WDR13: variants seen among roughly 807,000 people sequenced by gnomAD.
WDR13 encodes the protein WD repeat domain 13.
WDR13 carries 1 observed loss-of-function variant against 28.6 expected under a neutral mutation model. The ratio of observed to expected loss-of-function variants is 0.03; its 90% CI spans 0.01 to 0.17. The LOEUF (loss-of-function observed/expected upper bound fraction) is 0.17, where lower values mean the gene tolerates loss of function less well. Ranked by LOEUF, WDR13 falls within the 10% of genes least tolerant of loss-of-function variation. The probability of loss-of-function intolerance (pLI) is 1.00; values close to 1 mark genes in which losing one functional copy is unlikely to be tolerated. For synonymous variants in WDR13, 201 were observed against 185.9 expected (o/e 1.08, Z -0.66); for missense variants, 264 against 469.3 (o/e 0.56, Z 4.04).
chrX:48,600,739 C>A, intron 6 of WDR13, 113 bp downstream of exon 6: 5 of 858,919 alleles, frequency 5.8e-6, no homozygotes, highest in Non-Finnish European at 8.0e-6. Context: ...GACCCCCCCA[C>A]CCCCCACCCA....
chrX:48,599,914 A>G, intron 5 of WDR13, 197 bp downstream of exon 5: 1 of 570,097 alleles, frequency 1.8e-6, no homozygotes, highest in South Asian at 3.3e-5. Flanking sequence ...TCAGAAGCCT[A>G]AGAGAGAGCC....
At chrX:48,597,832 G>T in intron 1 of WDR13, 126 bp from the exon 2 acceptor site, 1 of 891,810 alleles carries the variant, frequency 1.1e-6, no homozygotes, top group Non-Finnish European at 1.5e-6. Flanking sequence ...GGTAACACCC[G>T]GGGGGGAGTT....
Position 48,607,664 on chromosome X carries a change from T to C in WDR13, c.*2632T>C, listed in dbSNP as rs993299318. ...ATTACAGGCGTGAGCACCTGGCTGG[T>C]ATCAAGTTTTTATTGGGGCATGGTC... On this transcript the variant is annotated 3_prime_UTR_variant, in exon 10 of 10. Transcript: ENST00000376729. The C allele has an allele frequency of 2.8e-5, 3 of 108,889 alleles. No homozygotes were observed. Among genetic ancestry groups the C allele is most frequent in the African/African-American group, 6.7e-5 (2 of 29,810 alleles). 9.0% of individuals were successfully genotyped at this position (108,889 alleles called of 1,213,427 possible). A position where few individuals can be genotyped will look rare whatever the true frequency, so the allele number is the denominator to read the frequency against.
At position 48,604,865 on chromosome X, in the gene WDR13, A is replaced by G; in HGVS notation, c.1291A>G (p.Met431Val). The change falls in exon 10 of 10, where the codon ATG (methionine) becomes GTG (valine). Residue 431 changes from methionine (M) to valine (V), a missense_variant. Physicochemically the swap from Met to Val is conservative, Grantham distance 21. Transcript: ENST00000376729. ...CCCGACAGTGACGGGCAGTGAGGAC[A>G]TGTGCGTGCACTTCTTTGATGTGGA... ...GACVVTGSED[M>V]CVHFFDVERA... 1 of 1,209,195 alleles carries G rather than the reference A, an allele frequency of 8.3e-7. No homozygotes were observed. The highest frequency in any genetic ancestry group is 1.1e-6 in the Non-Finnish European group (1 of 893,314).
chrX:48,600,653 A>G (rs1368715997), intron 6 of WDR13, 27 bp downstream of exon 6: 8 of 1,192,942 alleles, frequency 6.7e-6, no homozygotes, highest in Non-Finnish European at 9.0e-6. Context: ...CCCACTCACC[A>G]AGGGCTGGTG....
chrX:48,599,089 A>G (rs2062164508), intron 3 of WDR13, 132 bp downstream of exon 3: 5 of 935,413 alleles, frequency 5.3e-6, no homozygotes, highest in East Asian at 3.4e-5. Flanking sequence ...TAATATGCCA[A>G]GTAAACCAGT....
At chrX:48,602,278 C>T in intron 8 of WDR13, 72 bp downstream of exon 8, 3 of 1,082,453 alleles carry the variant, frequency 2.8e-6, no homozygotes, top group Non-Finnish European at 3.8e-6. Context: ...AGTAGCTCAT[C>T]TCCTCCATCA....
intron 8 of WDR13, among the ~76,000 whole-genome samples, chrX:48,603,739 G>A (rs1556995283): frequency 9.0e-6 from 1 of 111,336 alleles, no homozygotes; most frequent in African/African-American, 3.3e-5. Flanking sequence ...GGTTACCTGT[G>A]GGGACAGTGT....
In WDR13 at chrX:48,599,045, G is replaced by A. The variant is rs782380610; in HGVS notation, c.282+88G>A. The A allele has an allele frequency of 9.8e-6, 11 of 1,117,039 alleles. No homozygotes were observed. The South Asian group carries it at 2.1e-4, about 22-fold the overall frequency. 92.1% of individuals were successfully genotyped at this position (1,117,039 alleles called of 1,213,427 possible). On this transcript the variant is annotated intron_variant, in intron 3 of 9. Coordinates refer to ENST00000376729, the MANE Select transcript of WDR13 (RefSeq NM_001347217.2). ...TTTCATCAAGCACCTGCTCTTTGCT[G>A]GGCACTGTTCTGCATCAGCAGAGGA... is the stretch of plus-strand genomic sequence containing the variant.
In WDR13 at chrX:48,605,255, T is replaced by C; in HGVS notation, c.*223T>C. The stretch of plus-strand genomic sequence containing the variant: ...ATTCATTCATTCCACAAGCATTGAT[T>C]GAATGTCTGCTGGGTTACAGGCCCT... On this transcript the variant is annotated 3_prime_UTR_variant, in exon 10 of 10. Coordinates refer to ENST00000376729, the MANE Select transcript of WDR13 (RefSeq NM_001347217.2). 2 of 431,677 alleles carry C rather than the reference T, an allele frequency of 4.6e-6. No homozygotes were observed. Among genetic ancestry groups the C allele is most frequent in the Non-Finnish European group, 8.0e-6 (2 of 250,898 alleles). The allele number at this position is 431,677 out of a possible 1,213,427, so 35.6% of individuals were successfully genotyped here. A position where few individuals can be genotyped will look rare whatever the true frequency, so the allele number is the denominator to read the frequency against.
In WDR13 at chrX:48,600,536, G is replaced by A; in HGVS notation, c.741G>A (p.Glu247=). The part of the protein sequence containing the change: ...LDATMRIWAS[E]DGRCIREIPD... Reference sequence around the variant, plus strand: ...CCACCATGCGCATCTGGGCCTCTGAGGATGGTCGCTGCATCCGAGAGATCC... The same window carrying A: ...CCACCATGCGCATCTGGGCCTCTGAAGATGGTCGCTGCATCCGAGAGATCC... Residue 247 remains glutamate (E), a synonymous_variant, in exon 6 of 10, where the codon GAG becomes GAA. Coordinates refer to ENST00000376729, the MANE Select transcript of WDR13 (RefSeq NM_001347217.2). 3.3e-6 allele frequency: 4 copies of A among 1,212,098 alleles called. No homozygotes were observed. Among genetic ancestry groups the A allele is most frequent in the Non-Finnish European group, 4.5e-6 (4 of 895,594 alleles).
In WDR13 at chrX:48,600,354, C is replaced by T. The variant is rs1556994016; in HGVS notation, c.559C>T (p.Arg187Cys). 4 of 1,204,859 alleles carry T rather than the reference C, an allele frequency of 3.3e-6. No homozygotes were observed. Among genetic ancestry groups the T allele is most frequent in the African/African-American group, 1.7e-5 (1 of 57,570 alleles). ...GCGCTTCGCCAATGATGACCGACAC[C>T]GCCTGGCCTGCTGCTCACTCGACGG... ...RVRFANDDRH[R>C]LACCSLDGSI... Residue 187 changes from arginine (R) to cysteine (C), a missense_variant, in exon 6 of 10, where the codon CGC (arginine) becomes TGC (cysteine). This residue lies in a region of WDR13 where 157 missense variants were observed against 270.2 expected (regional missense o/e 0.58). Coordinates refer to ENST00000376729, the MANE Select transcript of WDR13 (RefSeq NM_001347217.2).
intron 9 of WDR13, 112 bp from the exon 10 acceptor site, chrX:48,604,736 C>A: frequency 1.1e-6 from 1 of 913,286 alleles, no homozygotes; most frequent in South Asian, 2.4e-5. Flanking sequence ...CCAAGCCATG[C>A]TAGGACCTCA....
Position 48,602,129 on chromosome X carries a change from C to T in WDR13, c.1077C>T (p.Ala359=). 8.3e-7 allele frequency: 1 copy of T among 1,211,849 alleles called. No homozygotes were observed. Among genetic ancestry groups the T allele is most frequent in the South Asian group, 1.8e-5 (1 of 57,014 alleles). The change falls in exon 8 of 10, where the codon GCC becomes GCT. Residue 359 remains alanine, a synonymous_variant. Transcript: ENST00000376729. ...GGAGCCCTGTGACCAGCATCTCAGC[C>T]CGGTCCTGGGTCAGCCGCGAGGCCC... The part of the protein sequence containing the change: ...HEGSPVTSIS[A]RSWVSREARD...
Position 48,599,432 on chromosome X carries a change from C to T in WDR13, c.362C>T (p.Ala121Val), listed in dbSNP as rs782539827. 8.3e-6 allele frequency: 10 copies of T among 1,209,224 alleles called. No individual in the cohort carries two copies. The highest frequency in any genetic ancestry group is 4.6e-4 in the Middle Eastern group (2 of 4,358). The change falls in exon 4 of 10, where the codon GCG (alanine) becomes GTG (valine). Residue 121 changes from alanine to valine, a missense_variant. By Grantham distance (64) the Ala-to-Val change is moderately conservative. Transcript: ENST00000376729. ...SVSRGSYQLQ[A>V]QMNRAVYEDR... The stretch of plus-strand genomic sequence containing the variant: ...AGCAGAGGCTCCTACCAGCTGCAGG[C>T]GCAGATGAACCGTGCCGTCTATGAG...
At chrX:48,600,090 T>A (rs1556993948) in intron 5 of WDR13, 1 of 428,007 alleles carries the variant, frequency 2.3e-6, no homozygotes, top group Non-Finnish European at 3.9e-6. Flanking sequence ...CTTTTTCATG[T>A]TGCAGAAGAC....
At position 48,599,741 on chromosome X, in the gene WDR13, C is replaced by T. The variant is rs782047625; in HGVS notation, c.523+24C>T. On this transcript the variant is annotated intron_variant, in intron 5 of 9. Transcript: ENST00000376729. ...AGGTGAGCCAGTGGGTAGCGGGTTC[C>T]ATCACCAAGCGTTTGCCCAAACTGT... 9 of 1,207,540 alleles carry T rather than the reference C, an allele frequency of 7.5e-6. No individual in the cohort carries two copies. The African/African-American group carries it at 1.0e-4, about 14-fold the overall frequency.
rs1158577019 is a variant in WDR13, at chrX:48,607,145, C to T, written c.*2113C>T. ...CATGGCTACGATTGACTTATTACAACAAAAAGATATGGAGCAAAATCAGCA... is the reference window on the plus strand; with the variant it reads ...CATGGCTACGATTGACTTATTACAATAAAAAGATATGGAGCAAAATCAGCA... On this transcript the variant is annotated 3_prime_UTR_variant, in exon 10 of 10. Coordinates refer to ENST00000376729, the MANE Select transcript of WDR13 (RefSeq NM_001347217.2). 9.1e-6 allele frequency: 1 copy of T among 110,256 alleles called. No individual in the cohort carries two copies. The highest frequency in any genetic ancestry group is 1.9e-5 in the Non-Finnish European group (1 of 52,863). The allele number at this position is 110,256 out of a possible 1,213,427, so 9.1% of individuals were successfully genotyped here.
In WDR13 at chrX:48,599,701, G is replaced by A. The variant is rs1278594669; in HGVS notation, c.507G>A (p.Gln169=). 7 of 1,211,288 alleles carry A rather than the reference G, an allele frequency of 5.8e-6. No homozygotes were observed. Among genetic ancestry groups the A allele is most frequent in the Non-Finnish European group, 7.8e-6 (7 of 895,345 alleles). The change falls in exon 5 of 10, where the codon CAG becomes CAA. Residue 169 remains glutamine (Q), a synonymous_variant. Coordinates refer to ENST00000376729, the MANE Select transcript of WDR13 (RefSeq NM_001347217.2). The part of the protein sequence containing the change: ...AFAGMYHVFD[Q]HVDEAVPRVR... Reference sequence around the variant, plus strand: ...CGGGCATGTATCATGTTTTTGACCAGCACGTGGATGAGGCAGGTGAGCCAG... The same window carrying A: ...CGGGCATGTATCATGTTTTTGACCAACACGTGGATGAGGCAGGTGAGCCAG...
Sources: gnomAD v4.1 joint callset for allele counts (sites outside exome capture counted in the v4.1 genomes callset) on GRCh38, gnomAD v4.1.1 for gene constraint, gnomAD v4.1.1 regional missense constraint, MANE v1.5 for transcripts, NCBI Gene and HGNC (gene_info 2026-07-23, HGNC 2026-07-21) for gene names.